The following JARID2 variants were observed in gnomAD, a reference collection of about 807,000 sequenced individuals.
JARID2 encodes jumonji and AT-rich interaction domain containing 2.
JARID2 carries 21 observed loss-of-function variants against 125.6 expected under a neutral mutation model. That is an observed-to-expected ratio of 0.17 (90% CI 0.12 to 0.24). The LOEUF is 0.24. Among genes scored for constraint, JARID2 ranks in the 10% least tolerant of loss-of-function variants. The pLI is 1.00. For synonymous variants in JARID2, 736 were observed against 661.6 expected (o/e 1.11, Z -1.73); for missense variants, 1,303 against 1,639.6 (o/e 0.79, Z 3.55).
Position 15,520,766 on chromosome 6 carries a change from G to C in JARID2, c.*515G>C, listed in dbSNP as rs914249533. 4.4e-6 allele frequency: 2 copies of C among 455,866 alleles called. No individual in the cohort carries two copies. The highest frequency in any genetic ancestry group is 8.8e-6 in the Non-Finnish European group (2 of 226,794). The allele number at this position is 455,866 out of a possible 1,614,324, so 28.2% of individuals were successfully genotyped here. On this transcript the variant is annotated 3_prime_UTR_variant, in exon 18 of 18. Transcript: ENST00000341776. ...TCTGCCGTGTGCCAGATGAGCTTGTGATCTGGGAAGCCGGGGCACCCCCGT... is the reference window on the plus strand; with the variant it reads ...TCTGCCGTGTGCCAGATGAGCTTGTCATCTGGGAAGCCGGGGCACCCCCGT...
At chr6:15,420,140 C>T (rs1480870281) in intron 3 of JARID2, among the ~76,000 whole-genome samples, 1 of 152,132 alleles carries the variant, frequency 6.6e-6, no homozygotes, top group African/African-American at 2.4e-5. Context: ...TACAGCTGGG[C>T]ACGCCTGTAA....
At chr6:15,492,027 A>G (rs937967587) in intron 6 of JARID2, among the ~76,000 whole-genome samples, 1 of 152,220 alleles carries the variant, frequency 6.6e-6, no homozygotes, top group African/African-American at 2.4e-5. Flanking sequence ...TGCCTGTTAA[A>G]TTGAAACCAT....
chr6:15,362,324 A>G (rs925136775), intron 1 of JARID2, among the ~76,000 whole-genome samples: 4 of 152,238 alleles, frequency 2.6e-5, no homozygotes, highest in Non-Finnish European at 5.9e-5. Flanking sequence ...AGTGAAACAG[A>G]CATAGCTGGT....
chr6:15,487,567 A>C, intron 6 of JARID2, 25 bp downstream of exon 6: 2 of 1,545,710 alleles, frequency 1.3e-6, no homozygotes, highest in Non-Finnish European at 1.8e-6. Flanking sequence ...GGGTGCCTAC[A>C]TGTGTGCCAG....
chr6:15,296,853 A>G (rs1761434558), intron 1 of JARID2, among the ~76,000 whole-genome samples: 1 of 152,114 alleles, frequency 6.6e-6, no homozygotes, highest in Non-Finnish European at 1.5e-5. Flanking sequence ...ATGCTGTTGT[A>G]AAGGTTTTGT....
intron 1 of JARID2, among the ~76,000 whole-genome samples, chr6:15,320,960 T>A (rs1387507172): frequency 6.6e-6 from 1 of 152,026 alleles, no homozygotes; most frequent in Non-Finnish European, 1.5e-5. Context: ...TCATCTTGTT[T>A]GGGAGTTTTA....
At chr6:15,270,962 GA>G (rs1014628037) in intron 1 of JARID2, among the ~76,000 whole-genome samples, 11 of 151,806 alleles carry the variant, frequency 7.2e-5, no homozygotes, top group African/African-American at 2.7e-4. Flanking sequence ...GGAGAGAAAA[GA>G]AAAAACTGTG....
chr6:15,315,020 T>C (rs1040894435), intron 1 of JARID2: 1 of 152,228 alleles, frequency 6.6e-6, no homozygotes, highest in African/African-American at 2.4e-5. Context: ...AAGCATTCCA[T>C]ATTTTTATGT....
At chr6:15,278,048 G>T (rs747485814) in intron 1 of JARID2, among the ~76,000 whole-genome samples, 1 of 151,536 alleles carries the variant, frequency 6.6e-6, no homozygotes, top group Non-Finnish European at 1.5e-5. Flanking sequence ...AGGAGTTTGA[G>T]ATCAGCCTGG....
chr6:15,430,733 C>T (rs1766933498), intron 3 of JARID2, among the ~76,000 whole-genome samples: 1 of 152,082 alleles, frequency 6.6e-6, no homozygotes, highest in Non-Finnish European at 1.5e-5. Flanking sequence ...GGCATGCTTT[C>T]CAGTCCAAGC....
chr6:15,473,905 G>C (rs955616365), intron 5 of JARID2, among the ~76,000 whole-genome samples: 5 of 152,184 alleles, frequency 3.3e-5, no homozygotes, highest in South Asian at 2.1e-4. Flanking sequence ...ATGCTCCTCC[G>C]ATTTCAAATG....
chr6:15,409,418 TATC>T (rs906920683), intron 2 of JARID2, among the ~76,000 whole-genome samples: 17 of 152,214 alleles, frequency 1.1e-4, no homozygotes, highest in Non-Finnish European at 2.4e-4. Flanking sequence ...GGACATGTCT[TATC>T]AGTGGAAGCT....
chr6:15,303,335 G>A (rs931478536), intron 1 of JARID2, among the ~76,000 whole-genome samples: 4 of 152,234 alleles, frequency 2.6e-5, no homozygotes, highest in African/African-American at 9.6e-5. Flanking sequence ...TTCAGGCAGG[G>A]CCTGAGGGTG....
chr6:15,378,739 C>T (rs1764467100), intron 2 of JARID2, among the ~76,000 whole-genome samples: 1 of 152,044 alleles, frequency 6.6e-6, no homozygotes, highest in African/African-American at 2.4e-5. Context: ...TTCCCATTTC[C>T]AGCGTTGTTT....
intron 1 of JARID2, among the ~76,000 whole-genome samples, chr6:15,341,575 G>C (rs1581432856): frequency 6.6e-6 from 1 of 152,232 alleles, no homozygotes; most frequent in East Asian, 1.9e-4. Flanking sequence ...CTTCTGTTTT[G>C]TCATCAGAAT....
chr6:15,496,875 G>A lies in JARID2; in HGVS notation c.1650G>A (p.Gly550=), dbSNP rs770149890. The A allele has an allele frequency of 1.2e-6, 2 of 1,601,440 alleles. No individual in the cohort carries two copies. Among genetic ancestry groups the A allele is most frequent in the Non-Finnish European group, 1.7e-6 (2 of 1,171,702 alleles). Residue 550 remains glycine, a synonymous_variant, in exon 7 of 18, where the codon GGG becomes GGA. Transcript: ENST00000341776. ...GKAEKGGGKA[G]WAAMDEIPVL... is the part of the protein sequence containing the mutation. ...CCGAGAAGGGCGGCGGCAAGGCCGG[G>A]TGGGCGGCCATGGACGAGATCCCCG... is the stretch of plus-strand genomic sequence containing the variant.
chr6:15,499,143 C>T (rs1225857989), intron 7 of JARID2, among the ~76,000 whole-genome samples: 1 of 152,228 alleles, frequency 6.6e-6, no homozygotes, highest in Non-Finnish European at 1.5e-5. Flanking sequence ...CCCAGGGGTA[C>T]TGACCTGTCT....
chr6:15,327,999 A>C (rs1035544721), intron 1 of JARID2, among the ~76,000 whole-genome samples: 1 of 152,134 alleles, frequency 6.6e-6, no homozygotes, highest in Non-Finnish European at 1.5e-5. Context: ...TCCCCAGCCT[A>C]GCCACCTTTG....
intron 1 of JARID2, among the ~76,000 whole-genome samples, chr6:15,345,112 G>A (rs1763201760): frequency 6.6e-6 from 1 of 152,146 alleles, no homozygotes; most frequent in Non-Finnish European, 1.5e-5. Context: ...TGTGATGTTT[G>A]TTAGAAGCTT....
Sources: gnomAD v4.1 joint callset for allele counts (sites outside exome capture counted in the v4.1 genomes callset) on GRCh38, gnomAD v4.1.1 for gene constraint, MANE v1.5 for transcripts, NCBI Gene and HGNC (gene_info 2026-07-23, HGNC 2026-07-21) for gene names.